The following MAP2 variants were observed in gnomAD, a reference collection of about 807,000 sequenced individuals.
The protein encoded by MAP2 is microtubule associated protein 2.
Under a neutral mutation model 137.6 loss-of-function variants are expected in MAP2, and 14 were observed. That is an observed-to-expected ratio of 0.10 (90% CI 0.07 to 0.16). The LOEUF is 0.16. MAP2 is among the 10% of genes least tolerant of loss of function. MAP2 has a pLI of 1.00. For synonymous variants in MAP2, 786 were observed against 782.3 expected (o/e 1.00, Z -0.08); for missense variants, 2,088 against 2,191.5 (o/e 0.95, Z 0.94).
intron 4 of MAP2, among the ~76,000 whole-genome samples, chr2:209,631,166 C>A (rs554950160): frequency 7.9e-5 from 12 of 152,072 alleles, no homozygotes; most frequent in African/African-American, 2.6e-4. Flanking sequence ...CCACATTTTC[C>A]TGTAAAAATA....
intron 1 of MAP2, among the ~76,000 whole-genome samples, chr2:209,476,411 T>TC (rs1282196172): frequency 6.6e-6 from 1 of 151,718 alleles, no homozygotes; most frequent in Non-Finnish European, 1.5e-5. Context: ...TTTTTTTTTT[T>TC]TCATCATTCT....
chr2:209,535,207 C>A (rs774096838), intron 2 of MAP2, among the ~76,000 whole-genome samples: 3 of 152,152 alleles, frequency 2.0e-5, no homozygotes, highest in Non-Finnish European at 2.9e-5. Context: ...TGACTGGATT[C>A]TTTCAGCTAA....
intron 5 of MAP2, among the ~76,000 whole-genome samples, chr2:209,675,046 A>C (rs1319599809): frequency 2.6e-5 from 4 of 151,828 alleles, no homozygotes. Context: ...TGTTTCCCTA[A>C]ATTCACTGTG....
chr2:209,648,478 A>G (rs16824921), intron 4 of MAP2, among the ~76,000 whole-genome samples: 1,926 of 152,238 alleles, frequency 0.013, 48 homozygotes, highest in African/African-American at 0.044. Context: ...TGTCCTAAAA[A>G]GTAAGATTCC....
At chr2:209,443,534 A>G (rs1340424879) in intron 1 of MAP2, among the ~76,000 whole-genome samples, 4 of 148,732 alleles carry the variant, frequency 2.7e-5, no homozygotes, top group African/African-American at 9.9e-5. Context: ...AAATATTTTT[A>G]TCATACTTCT....
chr2:209,635,610 T>C lies in MAP2; in HGVS notation c.-30+10481T>C, dbSNP rs531095887. Among the ~76,000 whole-genome samples, 103 of 152,206 alleles carry C rather than the reference T, an allele frequency of 6.8e-4. 3 individuals carry two copies. The South Asian group carries it at 0.02, about 30-fold the overall frequency. On this transcript the variant is annotated intron_variant, in intron 4 of 15. Transcript: ENST00000682079. ...GTGCACCTGGTTTATATGAAAGGAATATAGTGTGTTGCAGTGTTGCATGAA... is the reference window on the plus strand; with the variant it reads ...GTGCACCTGGTTTATATGAAAGGAACATAGTGTGTTGCAGTGTTGCATGAA...
At chr2:209,565,773 C>T (rs1487050432) in intron 2 of MAP2, among the ~76,000 whole-genome samples, 1 of 152,168 alleles carries the variant, frequency 6.6e-6, no homozygotes, top group African/African-American at 2.4e-5. Flanking sequence ...AAACATCTGT[C>T]CTGTGTGGGC....
chr2:209,457,060 T>A (rs1416531851), intron 1 of MAP2, among the ~76,000 whole-genome samples: 1 of 152,232 alleles, frequency 6.6e-6, no homozygotes, highest in Non-Finnish European at 1.5e-5. Flanking sequence ...TAGGTAATAA[T>A]TTTAATCACA....
chr2:209,505,097 T>C (rs1054104292), intron 1 of MAP2, among the ~76,000 whole-genome samples: 1 of 152,156 alleles, frequency 6.6e-6, no homozygotes, highest in African/African-American at 2.4e-5. Context: ...TCATACTTTC[T>C]CTTTAAATTT....
chr2:209,604,021 C>T (rs1279543394), intron 3 of MAP2, among the ~76,000 whole-genome samples: 1 of 152,106 alleles, frequency 6.6e-6, no homozygotes, highest in Non-Finnish European at 1.5e-5. Context: ...GTCTTATCAT[C>T]TCCCGGAGGA....
intron 2 of MAP2, among the ~76,000 whole-genome samples, chr2:209,511,411 A>G (rs140731800): frequency 1.2e-3 from 189 of 152,252 alleles, no homozygotes; most frequent in African/African-American, 4.4e-3. Flanking sequence ...TAAGGGATAC[A>G]TTGCTTAACA....
intron 1 of MAP2, among the ~76,000 whole-genome samples, chr2:209,456,681 G>C (rs1701614645): frequency 6.6e-6 from 1 of 152,142 alleles, no homozygotes. Context: ...AAGTGTTGTG[G>C]TCATTGTTGT....
intron 14 of MAP2, 43 bp from the exon 15 acceptor site, chr2:209,729,807 G>T (rs199752878): frequency 1.5e-6 from 2 of 1,341,376 alleles, no homozygotes; most frequent in Non-Finnish European, 2.1e-6. Flanking sequence ...TAGTTACCAC[G>T]AATGCAAGAT....
At chr2:209,593,888 T>A (rs1311625611) in intron 3 of MAP2, among the ~76,000 whole-genome samples, 1 of 72,618 alleles carries the variant, frequency 1.4e-5, no homozygotes, top group African/African-American at 4.9e-5. Flanking sequence ...AATATATTTA[T>A]ATTATTAAAA....
intron 1 of MAP2, among the ~76,000 whole-genome samples, chr2:209,503,099 A>G (rs2060602138): frequency 6.6e-6 from 1 of 150,620 alleles, no homozygotes; most frequent in African/African-American, 2.4e-5. Flanking sequence ...TCCTGGGCTC[A>G]ATCAAACCTG....
intron 1 of MAP2, among the ~76,000 whole-genome samples, chr2:209,440,526 T>C (rs1697497781): frequency 6.6e-6 from 1 of 151,514 alleles, no homozygotes; most frequent in Admixed American, 6.6e-5. Flanking sequence ...GATAAATTTG[T>C]CTCCAAGACT....
Position 209,693,047 on chromosome 2 carries a change from A to T in MAP2, c.877A>T (p.Arg293Trp). The T allele has an allele frequency of 6.2e-7, 1 of 1,612,762 alleles. No individual in the cohort carries two copies. The highest frequency in any genetic ancestry group is 8.5e-7 in the Non-Finnish European group (1 of 1,179,574). ...PISPGPLTPM[R>W]EKDVFDDIPK... ...ATCTCCTGGCCCTCTGACTCCCATG[A>T]GGGAAAAAGATGTATTTGATGATAT... The change falls in exon 8 of 16, where the codon AGG becomes TGG. Residue 293 changes from arginine (R) to tryptophan (W), a missense_variant. Physicochemically the swap from Arg to Trp is moderately radical, Grantham distance 101. Transcript: ENST00000682079.
At chr2:209,494,699 T>C (rs76515942) in intron 1 of MAP2, among the ~76,000 whole-genome samples, 2,425 of 152,310 alleles carry the variant, frequency 0.016, 23 homozygotes, top group Admixed American at 0.028. Context: ...TCTTTATTCC[T>C]TTACTTTCTT....
At chr2:209,713,568 T>C (rs73074714) in intron 13 of MAP2, among the ~76,000 whole-genome samples, 10,248 of 152,268 alleles carry the variant, frequency 0.067, 644 homozygotes, top group African/African-American at 0.16. Context: ...ACTCAAGGCA[T>C]AGGGAAGACT....
Sources: gnomAD v4.1 joint callset for allele counts (sites outside exome capture counted in the v4.1 genomes callset) on GRCh38, gnomAD v4.1.1 for gene constraint, MANE v1.5 for transcripts, NCBI Gene and HGNC (gene_info 2026-07-23, HGNC 2026-07-21) for gene names.